The following FGF14 variants were observed in gnomAD, a reference collection of about 807,000 sequenced individuals.
FGF14 encodes the protein fibroblast growth factor homologous factor 4.
Under a neutral mutation model 25.5 loss-of-function variants are expected in FGF14, and 5 were observed. The observed-to-expected ratio is 0.20, with a 90% confidence interval of 0.10 to 0.41. FGF14 has a LOEUF of 0.41. FGF14 is among the 10% of genes least tolerant of loss of function. The pLI, the probability that FGF14 is intolerant of heterozygous loss-of-function variation, is 1.00. For synonymous variants in FGF14, 138 were observed against 118.3 expected (o/e 1.17, Z -1.08); for missense variants, 222 against 320.1 (o/e 0.69, Z 2.34).
chr13:102,014,630 A>G (rs1443216648), intron 1 of FGF14, among the ~76,000 whole-genome samples: 1 of 152,148 alleles, frequency 6.6e-6, no homozygotes, highest in African/African-American at 2.4e-5. Flanking sequence ...TGGAAATTTG[A>G]ATTTAAAAAG....
chr13:101,715,232 C>T lies in FGF14; in HGVS notation c.*7599G>A, dbSNP rs2034663062. 1 of 225,812 alleles carries T rather than the reference C, an allele frequency of 4.4e-6. No individual in the cohort carries two copies. The highest frequency in any genetic ancestry group is 2.3e-5 in the African/African-American group (1 of 43,688). The allele number at this position is 225,812 out of a possible 1,614,324, so 14.0% of individuals were successfully genotyped here. ...CCTGCCTCATGTTATGTCAAAGAGC[C>T]TTATGTTTTTCTGTATTTATTCATA... is the stretch of plus-strand genomic sequence containing the variant. On this transcript the variant is annotated 3_prime_UTR_variant, in exon 5 of 5. Coordinates refer to ENST00000376143, the MANE Select transcript of FGF14 (RefSeq NM_004115.4).
intron 1 of FGF14, among the ~76,000 whole-genome samples, chr13:102,348,685 A>T (rs571157938): frequency 6.6e-6 from 1 of 152,202 alleles, no homozygotes; most frequent in Non-Finnish European, 1.5e-5. Flanking sequence ...CCACAGTTTG[A>T]AATATAAAAT....
At chr13:102,291,910 G>A (rs1167176250) in intron 1 of FGF14, among the ~76,000 whole-genome samples, 3 of 152,084 alleles carry the variant, frequency 2.0e-5, no homozygotes, top group Non-Finnish European at 4.4e-5. Flanking sequence ...TGCCTGTGGT[G>A]CCTACTTGGA....
At chr13:101,881,973 TGA>T (rs1566369997) in intron 1 of FGF14, among the ~76,000 whole-genome samples, 1 of 152,180 alleles carries the variant, frequency 6.6e-6, no homozygotes, top group Non-Finnish European at 1.5e-5. Flanking sequence ...TCCCAGATTA[TGA>T]AGCAAAGAGG....
At chr13:102,155,104 T>C (rs191026266) in intron 1 of FGF14, among the ~76,000 whole-genome samples, 5 of 152,198 alleles carry the variant, frequency 3.3e-5, no homozygotes, top group Admixed American at 6.5e-5. Context: ...GACAGATCAA[T>C]GAGACAGAAA....
intron 1 of FGF14, among the ~76,000 whole-genome samples, chr13:102,162,912 T>TC (rs1175611008): frequency 6.6e-6 from 1 of 152,126 alleles, no homozygotes; most frequent in Non-Finnish European, 1.5e-5. Flanking sequence ...AGCGTCCCCC[T>TC]CATTTGTATG....
At chr13:101,983,568 G>C (rs2038390594) in intron 1 of FGF14, among the ~76,000 whole-genome samples, 1 of 152,128 alleles carries the variant, frequency 6.6e-6, no homozygotes, top group Non-Finnish European at 1.5e-5. Flanking sequence ...TTCCACTAAG[G>C]TAGAAATAGC....
At chr13:102,076,224 G>A (rs886156550) in intron 1 of FGF14, among the ~76,000 whole-genome samples, 23 of 152,044 alleles carry the variant, frequency 1.5e-4, no homozygotes, top group Admixed American at 4.6e-4. Flanking sequence ...TGCAAGCCCC[G>A]TTCATGGTAA....
At chr13:102,213,867 C>T (rs1566824459) in intron 1 of FGF14, among the ~76,000 whole-genome samples, 1 of 152,152 alleles carries the variant, frequency 6.6e-6, no homozygotes, top group East Asian at 1.9e-4. Flanking sequence ...TTCCTGTCTC[C>T]TTTAACTAGG....
At chr13:101,879,544 C>T (rs752088348) in intron 1 of FGF14, among the ~76,000 whole-genome samples, 11 of 151,836 alleles carry the variant, frequency 7.2e-5, no homozygotes, top group Non-Finnish European at 1.3e-4. Context: ...GGAAGACTGG[C>T]GAAAGAAGAA....
intron 3 of FGF14, among the ~76,000 whole-genome samples, chr13:101,848,791 G>C (rs1209126515): frequency 1.3e-5 from 2 of 152,120 alleles, no homozygotes; most frequent in South Asian, 2.1e-4. Context: ...GAAGGGTATA[G>C]AAGTTATTCT....
intron 3 of FGF14, among the ~76,000 whole-genome samples, chr13:101,728,876 G>C (rs2139702455): frequency 1.3e-5 from 2 of 152,222 alleles, no homozygotes; most frequent in African/African-American, 4.8e-5. Context: ...AGGTCCACAG[G>C]ATTCTCTTCT....
At chr13:102,041,343 T>C (rs1223585309) in intron 1 of FGF14, among the ~76,000 whole-genome samples, 1 of 151,580 alleles carries the variant, frequency 6.6e-6, no homozygotes, top group South Asian at 2.1e-4. Flanking sequence ...TTTAGAAAAA[T>C]GGGAGTGTAA....
chr13:101,737,435 GC>G (rs1475783225), intron 3 of FGF14, among the ~76,000 whole-genome samples: 2 of 7,130 alleles, frequency 2.8e-4, no homozygotes, highest in African/African-American at 3.1e-4. Context: ...AATTTGCTGT[GC>G]AAAAAAATGA....
intron 1 of FGF14, among the ~76,000 whole-genome samples, chr13:102,239,843 T>C (rs2051506946): frequency 6.6e-6 from 1 of 152,186 alleles, no homozygotes; most frequent in African/African-American, 2.4e-5. Context: ...AGAATGTCCT[T>C]TTTTAAACAC....
At chr13:102,001,280 A>G (rs1348581149) in intron 1 of FGF14, among the ~76,000 whole-genome samples, 1 of 152,230 alleles carries the variant, frequency 6.6e-6, no homozygotes, top group Non-Finnish European at 1.5e-5. Flanking sequence ...ACTGGAAATA[A>G]GGAAAATCAT....
chr13:101,962,349 ACT>A (rs376763713), intron 1 of FGF14, among the ~76,000 whole-genome samples: 1 of 151,608 alleles, frequency 6.6e-6, no homozygotes, highest in African/African-American at 2.4e-5. Flanking sequence ...TCATGATTTG[ACT>A]CTCTGTTTGT....
chr13:102,086,884 C>T (rs74615213), intron 1 of FGF14, among the ~76,000 whole-genome samples: 4,967 of 152,190 alleles, frequency 0.033, 275 homozygotes, highest in East Asian at 0.26. Flanking sequence ...TCCAGGATTA[C>T]GTAGAGTGAG....
chr13:101,967,073 A>G (rs2037256526), intron 1 of FGF14, among the ~76,000 whole-genome samples: 1 of 152,180 alleles, frequency 6.6e-6, no homozygotes, highest in African/African-American at 2.4e-5. Context: ...AAAACAGCAC[A>G]AAGCTAGCAT....
Sources: allele counts gnomAD v4.1 joint callset (sites outside exome capture counted in the v4.1 genomes callset), GRCh38; gene constraint gnomAD v4.1.1; transcripts MANE v1.5; gene names NCBI Gene and HGNC (gene_info 2026-07-23, HGNC 2026-07-21).